GNE: variants seen among roughly 807,000 people sequenced by gnomAD.
GNE encodes glucosamine (UDP-N-acetyl)-2-epimerase/N-acetylmannosamine kinase.
GNE carries 41 observed loss-of-function variants against 61.8 expected under a neutral mutation model. The ratio of observed to expected loss-of-function variants is 0.66; its 90% CI spans 0.52 to 0.86. The LOEUF (loss-of-function observed/expected upper bound fraction) is 0.86, where lower values mean the gene tolerates loss of function less well. Among genes scored for constraint, GNE ranks in the 40% least tolerant of loss-of-function variants. The probability of loss-of-function intolerance (pLI) is 0.00; values close to 1 mark genes in which losing one functional copy is unlikely to be tolerated. For synonymous variants in GNE, 264 were observed against 326.4 expected (o/e 0.81, Z 2.06); for missense variants, 608 against 909.1 (o/e 0.67, Z 4.26).
At chr9:36,276,780 T>C (rs1760649776) in intron 1 of GNE, 1 of 800,740 alleles carries the variant, frequency 1.2e-6, no homozygotes, top group Admixed American at 2.7e-5. Flanking sequence ...ATGATGGATT[T>C]GATAGATTTA....
intron 3 of GNE, among the ~76,000 whole-genome samples, chr9:36,240,722 A>G (rs989003839): frequency 1.3e-5 from 2 of 151,986 alleles, no homozygotes; most frequent in African/African-American, 4.8e-5. Flanking sequence ...TGTCAAAAGG[A>G]TTGGTACCAA....
chr9:36,240,104 C>T (rs939035468), intron 3 of GNE, among the ~76,000 whole-genome samples: 1 of 152,054 alleles, frequency 6.6e-6, no homozygotes, highest in African/African-American at 2.4e-5. Context: ...ATCATATTGT[C>T]AGCAAAGAGT....
Position 36,227,365 on chromosome 9 carries a change from G to A in GNE, c.1164C>T (p.Cys388=). 2 of 1,611,058 alleles carry A rather than the reference G, an allele frequency of 1.2e-6. No homozygotes were observed. The highest frequency in any genetic ancestry group is 4.5e-5 in the East Asian group (2 of 44,860). ...DLQEPLQKKF[C]FPPVKENISQ... The stretch of plus-strand genomic sequence containing the variant: ...AGATATTCTCCTTCACAGGAGGAAA[G>A]CAGAATTTCTTTTGCAGTGGCTCTT... Residue 388 remains cysteine (C), a synonymous_variant, in exon 7 of 12, where the codon TGC becomes TGT. Coordinates refer to ENST00000642385, the MANE Select transcript of GNE (RefSeq NM_005476.7).
rs1438574247 is a variant in GNE, at chr9:36,216,647, A to ATTATTATTATTC, written c.*717_*718insGAATAATAATAA. 5 of 102,206 alleles carry ATTATTATTATTC rather than the reference A, an allele frequency of 4.9e-5. 1 individual carries two copies. The highest frequency in any genetic ancestry group is 1.0e-4 in the Non-Finnish European group (5 of 48,226). The allele number at this position is 102,206 out of a possible 1,614,324, so 6.3% of individuals were successfully genotyped here. The stretch of plus-strand genomic sequence containing the variant: ...ACTGCGCCCAGCTGGAAGGATTATT[A>ATTATTATTATTC]TTATTATTATTATTATTATTATTAT... On this transcript the variant is annotated 3_prime_UTR_variant, in exon 12 of 12. Transcript: ENST00000642385.
Position 36,216,326 on chromosome 9 carries a change from G to GGTGTGTGTGTGTGTGTGTGTGTGTGTGT in GNE, c.*1038_*1039insACACACACACACACACACACACACACAC. ...CTTAGTTTGGGGTTAGAGGAGGAAG[G>GGTGTGTGTGTGTGTGTGTGTGTGTGTGT]ATGTGTGTGTGTGTGTGTGTGTGTG... On this transcript the variant is annotated 3_prime_UTR_variant, in exon 12 of 12. Coordinates refer to ENST00000642385, the MANE Select transcript of GNE (RefSeq NM_005476.7). The GGTGTGTGTGTGTGTGTGTGTGTGTGTGT allele has an allele frequency of 5.1e-6, 1 of 196,386 alleles. No individual in the cohort carries two copies. The highest frequency in any genetic ancestry group is 1.0e-5 in the Non-Finnish European group (1 of 96,438). 12.2% of individuals were successfully genotyped at this position (196,386 alleles called of 1,614,324 possible).
chr9:36,257,536 G>T (rs1245854560), intron 1 of GNE, among the ~76,000 whole-genome samples: 1 of 151,890 alleles, frequency 6.6e-6, no homozygotes, highest in African/African-American at 2.4e-5. Context: ...GGGCGCGGTG[G>T]CTCACGCCTG....
At chr9:36,237,562 T>C (rs1829443960) in intron 3 of GNE, among the ~76,000 whole-genome samples, 1 of 152,134 alleles carries the variant, frequency 6.6e-6, no homozygotes. Context: ...AAAGTTTAGA[T>C]TGACAGTGCT....
Position 36,258,429 on chromosome 9 carries a change from G to T in GNE, c.-151C>A. 1.0e-6 allele frequency: 1 copy of T among 985,498 alleles called. No homozygotes were observed. The highest frequency in any genetic ancestry group is 1.2e-6 in the Non-Finnish European group (1 of 829,976). The allele number at this position is 985,498 out of a possible 1,614,324, so 61.0% of individuals were successfully genotyped here. A position where few individuals can be genotyped will look rare whatever the true frequency, so the allele number is the denominator to read the frequency against. ...CGCGAGCCTGCCCCTCGGTTTCCGCGCTCGGGCGCGCGGGTAGACGACTCG... is the reference window on the plus strand; with the variant it reads ...CGCGAGCCTGCCCCTCGGTTTCCGCTCTCGGGCGCGCGGGTAGACGACTCG... On this transcript the variant is annotated 5_prime_UTR_variant, in exon 1 of 12. Transcript: ENST00000642385.
At chr9:36,259,340 T>G (rs1671837787), upstream of GNE, among the ~76,000 whole-genome samples, 1 of 152,080 alleles carries the variant, frequency 6.6e-6, no homozygotes, top group African/African-American at 2.4e-5. Context: ...GATTCCTGAG[T>G]CACCATTGAC....
chr9:36,223,854 C>T (rs139615765), intron 7 of GNE, among the ~76,000 whole-genome samples: 4,292 of 151,738 alleles, frequency 0.028, 201 homozygotes, highest in African/African-American at 0.094. Flanking sequence ...CAGGTTCAGG[C>T]GATTCTCCTT....
chr9:36,257,820 A>AAAAAAAAAAAT, intron 1 of GNE, among the ~76,000 whole-genome samples: 1 of 145,878 alleles, frequency 6.9e-6, no homozygotes, highest in African/African-American at 2.5e-5. Context: ...AAAAAAAAAA[A>AAAAAAAAAAAT]AAAAAAAAAA....
chr9:36,245,967 G>T (rs923607018), intron 3 of GNE, 64 bp downstream of exon 3: 3 of 1,273,752 alleles, frequency 2.4e-6, no homozygotes, highest in Non-Finnish European at 3.4e-6. Context: ...CAAAAGGATT[G>T]AAATAGACGG....
intron 6 of GNE, 116 bp from the exon 7 acceptor site, chr9:36,227,574 C>T (rs1828938720): frequency 1.4e-6 from 1 of 740,066 alleles, no homozygotes; most frequent in South Asian, 1.5e-5. Flanking sequence ...CATGCTTCTT[C>T]CTAAAGTGAC....
chr9:36,266,061 C>T (rs1351470655), intron 1 of GNE, among the ~76,000 whole-genome samples: 1 of 152,170 alleles, frequency 6.6e-6, no homozygotes, highest in Non-Finnish European at 1.5e-5. Context: ...CCTCAGCCTC[C>T]CGAGTAGCTG....
intron 1 of GNE, among the ~76,000 whole-genome samples, chr9:36,276,335 A>G (rs1216284316): frequency 6.6e-6 from 1 of 152,236 alleles, no homozygotes; most frequent in African/African-American, 2.4e-5. Flanking sequence ...AATAAACTAC[A>G]CTATAGTATA....
chr9:36,252,463 A>G (rs1360643721), intron 1 of GNE, among the ~76,000 whole-genome samples: 1 of 152,238 alleles, frequency 6.6e-6, no homozygotes, highest in African/African-American at 2.4e-5. Context: ...TATTTTACAA[A>G]GAACAGTAAA....
At chr9:36,231,914 G>A (rs971508733) in intron 5 of GNE, among the ~76,000 whole-genome samples, 3 of 152,120 alleles carry the variant, frequency 2.0e-5, no homozygotes, top group Non-Finnish European at 4.4e-5. Flanking sequence ...ATAGCTATAA[G>A]AGAACTCTTA....
chr9:36,223,595 G>A, intron 7 of GNE, 93 bp from the exon 8 acceptor site: 1 of 1,304,076 alleles, frequency 7.7e-7, no homozygotes, highest in Admixed American at 1.7e-5. Context: ...ATTAGACACT[G>A]CTATAGGATG....
At chr9:36,235,029 G>C (rs1018905269) in intron 4 of GNE, among the ~76,000 whole-genome samples, 1 of 152,092 alleles carries the variant, frequency 6.6e-6, no homozygotes, top group African/African-American at 2.4e-5. Flanking sequence ...AATATTTTGG[G>C]TTTCAAGTTT....
Sources: gnomAD v4.1 joint callset for allele counts (sites outside exome capture counted in the v4.1 genomes callset) on GRCh38, gnomAD v4.1.1 for gene constraint, MANE v1.5 for transcripts, NCBI Gene and HGNC (gene_info 2026-07-23, HGNC 2026-07-21) for gene names.